The following CREB3L2 variants were observed in gnomAD, a reference collection of about 807,000 sequenced individuals.
The protein encoded by CREB3L2 is cAMP responsive element binding protein 3 like 2, also known as cyclic AMP-responsive element-binding protein 3-like protein 2.
In CREB3L2, 23 loss-of-function variants were observed where a neutral mutation model predicts 57.2. The ratio of observed to expected loss-of-function variants is 0.40; its 90% CI spans 0.29 to 0.57. The LOEUF is 0.57. Among genes scored for constraint, CREB3L2 ranks in the 20% least tolerant of loss-of-function variants. The pLI is 0.42. For synonymous variants in CREB3L2, 268 were observed against 265.1 expected (o/e 1.01, Z -0.11); for missense variants, 628 against 634.7 (o/e 0.99, Z 0.11).
intron 1 of CREB3L2, among the ~76,000 whole-genome samples, chr7:137,993,517 G>A (rs1801936273): frequency 6.6e-6 from 1 of 152,132 alleles, no homozygotes; most frequent in African/African-American, 2.4e-5. Flanking sequence ...TTGTTTGTTT[G>A]CTCATTTATT....
At position 137,995,333 on chromosome 7, in the gene CREB3L2, C is replaced by CTTTT. The variant is rs10676214; in HGVS notation, c.102+6267_102+6270dup. On this transcript the variant is annotated intron_variant, in intron 1 of 11. Transcript: ENST00000330387. ...CTATTTCTTTTTTTTTCTTTTCTTT[C>CTTTT]TTTTTTTTTTTTTTTTTTTGAGACA... Among the ~76,000 whole-genome samples the CTTTT allele has an allele frequency of 9.8e-4, 86 of 87,432 alleles. 5 individuals carry two copies. Among genetic ancestry groups the CTTTT allele is most frequent in the African/African-American group, 3.6e-3 (77 of 21,186 alleles). 57.4% of individuals were successfully genotyped at this position (87,432 alleles called of 152,430 possible).
intron 1 of CREB3L2, among the ~76,000 whole-genome samples, chr7:137,983,524 G>A (rs1158841052): frequency 1.3e-5 from 2 of 152,194 alleles, no homozygotes; most frequent in Non-Finnish European, 2.9e-5. Flanking sequence ...AGAAAACACA[G>A]CAGGCTTCAG....
intron 5 of CREB3L2, 93 bp from the exon 6 acceptor site, chr7:137,905,941 A>G (rs754972044): frequency 5.5e-5 from 69 of 1,263,106 alleles, no homozygotes; most frequent in Non-Finnish European, 7.2e-5. Flanking sequence ...ATCTGTTACA[A>G]TGTCTTACAG....
intron 7 of CREB3L2, among the ~76,000 whole-genome samples, chr7:137,903,637 T>C (rs1799816736): frequency 6.6e-6 from 1 of 152,232 alleles, no homozygotes; most frequent in Admixed American, 6.5e-5. Context: ...AAAACAGGGC[T>C]TCTCCTGCTA....
chr7:137,894,397 T>C (rs1799580334), intron 8 of CREB3L2, among the ~76,000 whole-genome samples: 1 of 152,166 alleles, frequency 6.6e-6, no homozygotes, highest in South Asian at 2.1e-4. Flanking sequence ...ATATCTTCTA[T>C]AAATAAGGCT....
intron 1 of CREB3L2, among the ~76,000 whole-genome samples, chr7:137,979,704 C>T (rs1801678835): frequency 6.7e-6 from 1 of 150,092 alleles, no homozygotes; most frequent in Non-Finnish European, 1.5e-5. Context: ...CCAGCCTGGG[C>T]AACAGATCGA....
intron 2 of CREB3L2, among the ~76,000 whole-genome samples, chr7:137,925,590 G>T (rs1800434921): frequency 6.6e-6 from 1 of 152,182 alleles, no homozygotes; most frequent in Non-Finnish European, 1.5e-5. Flanking sequence ...AGGAATACTT[G>T]TGGATTGATT....
chr7:137,982,116 T>G (rs749719408), intron 1 of CREB3L2, among the ~76,000 whole-genome samples: 19 of 152,312 alleles, frequency 1.2e-4, no homozygotes, highest in Non-Finnish European at 2.6e-4. Context: ...AGGTACAGTC[T>G]CTGGGACATT....
At chr7:137,881,529 G>A (rs1292933655) in intron 11 of CREB3L2, among the ~76,000 whole-genome samples, 2 of 152,220 alleles carry the variant, frequency 1.3e-5, no homozygotes, top group Non-Finnish European at 2.9e-5. Flanking sequence ...GTAAGTGCTA[G>A]TAAATGTTAA....
At chr7:137,890,783 C>A (rs1205316304) in intron 8 of CREB3L2, among the ~76,000 whole-genome samples, 1 of 152,180 alleles carries the variant, frequency 6.6e-6, no homozygotes, top group Non-Finnish European at 1.5e-5. Context: ...ATGTCACTGC[C>A]TGCAGCAATG....
At chr7:137,890,445 A>C (rs756603291) in intron 8 of CREB3L2, among the ~76,000 whole-genome samples, 1 of 152,230 alleles carries the variant, frequency 6.6e-6, no homozygotes, top group African/African-American at 2.4e-5. Flanking sequence ...ATGCATATAT[A>C]TATCAGGAGG....
At chr7:137,973,074 T>C (rs534847180) in intron 1 of CREB3L2, among the ~76,000 whole-genome samples, 9 of 149,398 alleles carry the variant, frequency 6.0e-5, no homozygotes, top group Non-Finnish European at 8.9e-5. Flanking sequence ...ATTGAAGAAA[T>C]AGCATATCTA....
At chr7:137,922,203 G>A (rs952806616) in intron 2 of CREB3L2, among the ~76,000 whole-genome samples, 5 of 150,796 alleles carry the variant, frequency 3.3e-5, no homozygotes, top group African/African-American at 4.9e-5. Context: ...TTTCCATTCA[G>A]CCACTTTTCC....
intron 1 of CREB3L2, among the ~76,000 whole-genome samples, chr7:137,959,812 G>A (rs187757073): frequency 1.8e-4 from 28 of 152,328 alleles, no homozygotes; most frequent in East Asian, 5.8e-4. Flanking sequence ...AGGAAAGTAC[G>A]TGCAATATTT....
intron 1 of CREB3L2, among the ~76,000 whole-genome samples, chr7:137,968,120 C>G (rs996663634): frequency 6.6e-6 from 1 of 152,022 alleles, no homozygotes; most frequent in African/African-American, 2.4e-5. Flanking sequence ...TCCAATACAA[C>G]ACAGCGTCGT....
chr7:137,965,895 T>C (rs749204836), intron 1 of CREB3L2, among the ~76,000 whole-genome samples: 6 of 152,220 alleles, frequency 3.9e-5, no homozygotes, highest in Non-Finnish European at 7.3e-5. Flanking sequence ...CCTGAGGGTG[T>C]ATCACAATCA....
At chr7:137,933,141 A>G (rs1800692986) in intron 1 of CREB3L2, among the ~76,000 whole-genome samples, 1 of 152,242 alleles carries the variant, frequency 6.6e-6, no homozygotes, top group Non-Finnish European at 1.5e-5. Flanking sequence ...CCTGATGGTG[A>G]CTATTCTACA....
intron 1 of CREB3L2, among the ~76,000 whole-genome samples, chr7:137,930,849 T>A (rs561467563): frequency 6.6e-6 from 1 of 152,108 alleles, no homozygotes; most frequent in South Asian, 2.1e-4. Context: ...GAAGTTTGGG[T>A]TAGTCATTTC....
At chr7:137,978,428 T>G (rs1653041229) in intron 1 of CREB3L2, among the ~76,000 whole-genome samples, 1 of 152,174 alleles carries the variant, frequency 6.6e-6, no homozygotes, top group Non-Finnish European at 1.5e-5. Flanking sequence ...GGTCCTGAAC[T>G]TTCCTATCCC....
Sources: allele counts gnomAD v4.1 joint callset (sites outside exome capture counted in the v4.1 genomes callset), GRCh38; gene constraint gnomAD v4.1.1; transcripts MANE v1.5; gene names NCBI Gene and HGNC (gene_info 2026-07-23, HGNC 2026-07-21).